The following ANKRD33B variants were observed in gnomAD, a reference collection of about 807,000 sequenced individuals.
ANKRD33B encodes ankyrin repeat domain 33B.
In ANKRD33B, 6 loss-of-function variants were observed where a neutral mutation model predicts 21.5. The observed-to-expected ratio is 0.28, with a 90% CI of 0.15 to 0.55. The LOEUF is 0.55. Among genes scored for constraint, ANKRD33B ranks in the 20% least tolerant of loss-of-function variants. The pLI, the probability that ANKRD33B is intolerant of heterozygous loss-of-function variation, is 0.94. For missense variants in ANKRD33B, 698 were observed against 747.2 expected (o/e 0.93, Z 0.77); for synonymous variants, 347 against 342.4 (o/e 1.01, Z -0.15).
At chr5:10,586,909 C>A (rs1735578170) in intron 1 of ANKRD33B, among the ~76,000 whole-genome samples, 1 of 152,132 alleles carries the variant, frequency 6.6e-6, no homozygotes, top group Non-Finnish European at 1.5e-5. Context: ...AATTGGGAGA[C>A]TCTTTAGCCT....
chr5:10,639,606 C>T (rs1170833582), intron 3 of ANKRD33B, among the ~76,000 whole-genome samples: 13 of 42,076 alleles, frequency 3.1e-4, no homozygotes, highest in South Asian at 1.1e-3. Flanking sequence ...GCGGGTGACG[C>T]GGAGTTGCGC....
intron 1 of ANKRD33B, among the ~76,000 whole-genome samples, chr5:10,605,329 A>G (rs542100997): frequency 3.5e-4 from 54 of 152,302 alleles, no homozygotes; most frequent in Middle Eastern, 3.4e-3. Context: ...ACCAGGAGGA[A>G]ACGAAGATCA....
rs140362746 is a variant in ANKRD33B at position 10,597,825 on chromosome 5, T to A, written c.367-20508T>A. Among the ~76,000 whole-genome samples, 416 of 152,344 alleles carry A rather than the reference T, an allele frequency of 2.7e-3. 3 individuals are homozygous for A. Among genetic ancestry groups the A allele is most frequent in the Non-Finnish European group, 4.5e-3 (309 of 68,022 alleles). ...AGCAAATGCAGAAGAACTGAAATCATAACAAACAGTCTCTCAGACCACAGC... is the reference window on the plus strand; with the variant it reads ...AGCAAATGCAGAAGAACTGAAATCAAAACAAACAGTCTCTCAGACCACAGC... On this transcript the variant is annotated intron_variant, in intron 1 of 3. Transcript: ENST00000296657.
intron 1 of ANKRD33B, among the ~76,000 whole-genome samples, chr5:10,609,711 C>A (rs766285388): frequency 3.9e-5 from 6 of 152,098 alleles, no homozygotes; most frequent in Admixed American, 2.0e-4. Flanking sequence ...GGGTTCGAGA[C>A]CAGACTGGCC....
chr5:10,648,834 T>A (rs1472934823), intron 3 of ANKRD33B, among the ~76,000 whole-genome samples: 3 of 149,846 alleles, frequency 2.0e-5, no homozygotes, highest in Non-Finnish European at 4.4e-5. Flanking sequence ...AATGGAGCAC[T>A]TAAAAGGCAG....
chr5:10,650,204 C>T lies in ANKRD33B; in HGVS notation c.*91C>T. 7.6e-7 allele frequency: 1 copy of T among 1,318,478 alleles called. No homozygotes were observed. Among genetic ancestry groups the T allele is most frequent in the South Asian group, 1.6e-5 (1 of 61,346 alleles). The allele number at this position is 1,318,478 out of a possible 1,614,324, so 81.7% of individuals were successfully genotyped here. The stretch of plus-strand genomic sequence containing the variant: ...AGAAGGAGGCGGCCCCGTTGCGCAT[C>T]GCACCACTTCCGCTCCATGGACCAC... On this transcript the variant is annotated 3_prime_UTR_variant, in exon 4 of 4. Transcript: ENST00000296657.
intron 1 of ANKRD33B, among the ~76,000 whole-genome samples, chr5:10,579,992 C>A (rs140081936): frequency 6.6e-6 from 1 of 152,126 alleles, no homozygotes; most frequent in Non-Finnish European, 1.5e-5. Flanking sequence ...TTCCCCACCC[C>A]CTCCAGCCCT....
chr5:10,626,090 C>T (rs1260383622), intron 2 of ANKRD33B, among the ~76,000 whole-genome samples: 1 of 152,230 alleles, frequency 6.6e-6, no homozygotes, highest in Non-Finnish European at 1.5e-5. Flanking sequence ...GAGGCAGCCT[C>T]GGCCTAGAAC....
intron 1 of ANKRD33B, among the ~76,000 whole-genome samples, chr5:10,601,253 C>G (rs1175215649): frequency 6.6e-6 from 1 of 152,220 alleles, no homozygotes; most frequent in Non-Finnish European, 1.5e-5. Flanking sequence ...GATCACGCTG[C>G]TTTCTAAGAC....
intron 1 of ANKRD33B, among the ~76,000 whole-genome samples, chr5:10,598,266 TTG>T (rs1735858990): frequency 6.6e-6 from 1 of 152,168 alleles, no homozygotes; most frequent in Non-Finnish European, 1.5e-5. Context: ...ATTTTATATT[TTG>T]TTTTTTGTTT....
At chr5:10,614,254 C>T (rs909069454) in intron 1 of ANKRD33B, among the ~76,000 whole-genome samples, 7 of 152,128 alleles carry the variant, frequency 4.6e-5, no homozygotes, top group Non-Finnish European at 7.3e-5. Context: ...ACTCACATGA[C>T]GGAGGGCATC....
Position 10,578,650 on chromosome 5 carries a change from T to C in ANKRD33B, c.366+13817T>C, listed in dbSNP as rs142261791. Reference sequence around the variant, plus strand: ...GATTAAATACATTTCTTGAAAAAAATTCAGTTAAGATATGCTAGAGAAGCT... The same window carrying C: ...GATTAAATACATTTCTTGAAAAAAACTCAGTTAAGATATGCTAGAGAAGCT... On this transcript the variant is annotated intron_variant, in intron 1 of 3. Coordinates refer to ENST00000296657, the MANE Select transcript of ANKRD33B (RefSeq NM_001164440.2). Among the ~76,000 whole-genome samples the C allele has an allele frequency of 4.1e-3, 621 of 152,192 alleles. 4 individuals carry two copies. Among genetic ancestry groups the C allele is most frequent in the African/African-American group, 0.014 (585 of 41,538 alleles).
chr5:10,604,341 G>T (rs550013228), intron 1 of ANKRD33B, among the ~76,000 whole-genome samples: 1 of 150,790 alleles, frequency 6.6e-6, no homozygotes, highest in Non-Finnish European at 1.5e-5. Flanking sequence ...ACAGATATGC[G>T]CCACCGCACC....
chr5:10,593,072 G>A (rs545843859), intron 1 of ANKRD33B, among the ~76,000 whole-genome samples: 3 of 151,962 alleles, frequency 2.0e-5, no homozygotes, highest in South Asian at 2.1e-4. Context: ...TATTGTCTTC[G>A]CTAGCTTTCC....
In ANKRD33B at chr5:10,564,456, C is replaced by T. The variant is rs1219870124; in HGVS notation, c.-12C>T. 5.1e-5 allele frequency: 59 copies of T among 1,149,348 alleles called. No individual in the cohort carries two copies. The highest frequency in any genetic ancestry group is 5.9e-5 in the Non-Finnish European group (55 of 935,812). 71.2% of individuals were successfully genotyped at this position (1,149,348 alleles called of 1,614,324 possible). On this transcript the variant is annotated 5_prime_UTR_variant, in exon 1 of 4. Coordinates refer to ENST00000296657, the MANE Select transcript of ANKRD33B (RefSeq NM_001164440.2). The stretch of plus-strand genomic sequence containing the variant: ...CGCGCCCCGGCCCCCGGCCCGCGCC[C>T]CGGCCGCCGGCATGGTGCTGCTGGC...
chr5:10,647,768 A>G (rs1273131914), intron 3 of ANKRD33B, among the ~76,000 whole-genome samples: 1 of 152,174 alleles, frequency 6.6e-6, no homozygotes, highest in Non-Finnish European at 1.5e-5. Flanking sequence ...CGCAGTCTTG[A>G]GGTGGAATTT....
chr5:10,635,114 T>C (rs1736824771), intron 2 of ANKRD33B, among the ~76,000 whole-genome samples: 1 of 152,108 alleles, frequency 6.6e-6, no homozygotes, highest in African/African-American at 2.4e-5. Flanking sequence ...GGTGGTTTGC[T>C]CTGTGGACTT....
rs76448103 is a variant in ANKRD33B at position 10,628,859 on chromosome 5, C to A, written c.497-9169C>A. Among the ~76,000 whole-genome samples, 491 of 152,120 alleles carry A rather than the reference C, an allele frequency of 3.2e-3. 3 individuals carry two copies. Among genetic ancestry groups the A allele is most frequent in the African/African-American group, 0.011 (471 of 41,486 alleles). ...TGGGTCAAGGGGCACCAGGGAAGAC[C>A]TGGAGTTGGAAGGGATGGCTCATCA... On this transcript the variant is annotated intron_variant, in intron 2 of 3. Transcript: ENST00000296657.
chr5:10,651,329 A>T lies in ANKRD33B; in HGVS notation c.*1216A>T, dbSNP rs1029548617. On this transcript the variant is annotated 3_prime_UTR_variant, in exon 4 of 4. Coordinates refer to ENST00000296657, the MANE Select transcript of ANKRD33B (RefSeq NM_001164440.2). ...CAAGATGCAGGGCCTTGGGCAGGGC[A>T]GGGCATGGGTGTGATTTGCCTTGGG... 2.6e-5 allele frequency: 4 copies of T among 152,290 alleles called. No homozygotes were observed. Among genetic ancestry groups the T allele is most frequent in the African/African-American group, 9.7e-5 (4 of 41,418 alleles). The allele number at this position is 152,290 out of a possible 1,614,324, so 9.4% of individuals were successfully genotyped here.
Sources: gnomAD v4.1 joint callset for allele counts (sites outside exome capture counted in the v4.1 genomes callset) on GRCh38, gnomAD v4.1.1 for gene constraint, MANE v1.5 for transcripts, NCBI Gene and HGNC (gene_info 2026-07-23, HGNC 2026-07-21) for gene names.